Variants in CA6 observed in about 807,000 individuals in gnomAD.
CA6 encodes carbonic anhydrase 6.
CA6 carries 28 observed loss-of-function variants against 35.9 expected under a neutral mutation model. The observed-to-expected ratio is 0.78, with a 90% CI of 0.58 to 1.07. CA6 has a LOEUF of 1.07. Among genes scored for constraint, CA6 ranks in the 50% least tolerant of loss-of-function variants. CA6 has a pLI of 0.00. For synonymous variants in CA6, 148 were observed against 152.6 expected (o/e 0.97, Z 0.22); for missense variants, 377 against 382.0 (o/e 0.99, Z 0.11).
At chr1:8,973,044 T>C (rs1370637534) in intron 7 of CA6, among the ~76,000 whole-genome samples, 5 of 152,124 alleles carry the variant, frequency 3.3e-5, no homozygotes, top group African/African-American at 1.2e-4. Context: ...TTTTGGAGTC[T>C]CTCACTCTGT....
At chr1:8,946,805 G>GTTTT (rs60046591) in intron 1 of CA6, among the ~76,000 whole-genome samples, 15 of 102,042 alleles carry the variant, frequency 1.5e-4, no homozygotes, top group African/African-American at 5.1e-4. Context: ...TTTTTTTTTT[G>GTTTT]TTTTTTTTTT....
chr1:8,974,432 CTTAGAAGCCTGAGTT>C (rs776181637), intron 7 of CA6, 175 bp from the exon 8 acceptor site: 1 of 1,528,728 alleles, frequency 6.5e-7, no homozygotes, highest in South Asian at 1.2e-5. Context: ...CTCTGGGCAG[CTTAGAAGCCTGAGTT>C]CAAACACAGT....
In CA6 at chr1:8,974,778, C is replaced by A. The variant is rs1446220466; in HGVS notation, c.*74C>A. The A allele has an allele frequency of 1.3e-6, 1 of 795,726 alleles. No homozygotes were observed. Among genetic ancestry groups the A allele is most frequent in the Non-Finnish European group, 2.0e-6 (1 of 502,468 alleles). The allele number at this position is 795,726 out of a possible 1,614,324, so 49.3% of individuals were successfully genotyped here. A position where few individuals can be genotyped will look rare whatever the true frequency, so the allele number is the denominator to read the frequency against. On this transcript the variant is annotated 3_prime_UTR_variant, in exon 8 of 8. Transcript: ENST00000377443. ...AGCCAGAAGTGCCTGTCCGCTGCAG[C>A]CGCACCCTACCTTGTCTAAGAAACC...
intron 1 of CA6, among the ~76,000 whole-genome samples, chr1:8,946,638 A>G (rs958316845): frequency 6.6e-6 from 1 of 151,892 alleles, no homozygotes; most frequent in Admixed American, 6.6e-5. Flanking sequence ...GTGGAAAACA[A>G]AGTTCTTAGA....
intron 6 of CA6, among the ~76,000 whole-genome samples, chr1:8,968,705 GA>G (rs1296020738): frequency 1.3e-5 from 2 of 152,080 alleles, no homozygotes; most frequent in African/African-American, 4.8e-5. Flanking sequence ...TCTAGAAATG[GA>G]AAAATAGTAT....
chr1:8,948,933 G>A (rs958983531), intron 1 of CA6, among the ~76,000 whole-genome samples: 13 of 150,354 alleles, frequency 8.6e-5, no homozygotes, highest in African/African-American at 3.0e-4. Flanking sequence ...TTGCACCACT[G>A]CACTCCAACC....
At chr1:8,966,917 T>C (rs1639981856) in intron 5 of CA6, among the ~76,000 whole-genome samples, 1 of 151,826 alleles carries the variant, frequency 6.6e-6, no homozygotes, top group Non-Finnish European at 1.5e-5. Flanking sequence ...CAGGAAGAGC[T>C]CAGGACCAAA....
At chr1:8,973,517 C>A (rs1640161888) in intron 7 of CA6, among the ~76,000 whole-genome samples, 1 of 152,136 alleles carries the variant, frequency 6.6e-6, no homozygotes, top group South Asian at 2.1e-4. Context: ...CTGAGGTATT[C>A]CATGCTGTGA....
chr1:8,964,687 C>G (rs1282615624), intron 5 of CA6, among the ~76,000 whole-genome samples: 1 of 152,210 alleles, frequency 6.6e-6, no homozygotes, highest in Admixed American at 6.5e-5. Flanking sequence ...TTCTCTGGCT[C>G]CCCTTGAAAA....
chr1:8,954,044 A>G (rs1423190582), intron 2 of CA6, among the ~76,000 whole-genome samples: 1 of 152,210 alleles, frequency 6.6e-6, no homozygotes, highest in Non-Finnish European at 1.5e-5. Flanking sequence ...ATGTGGTCTA[A>G]AAAGGGGAGG....
chr1:8,964,814 T>C (rs115427262), intron 5 of CA6, among the ~76,000 whole-genome samples: 6 of 152,248 alleles, frequency 3.9e-5, no homozygotes, highest in African/African-American at 1.4e-4. Context: ...TCGTCTTAGT[T>C]TACCTTCAAA....
intron 4 of CA6, among the ~76,000 whole-genome samples, chr1:8,959,931 C>CAAAAAAAAAAAAAAAAAAAAACAAAAA (rs373250863): frequency 1.3e-5 from 1 of 75,184 alleles, no homozygotes; most frequent in African/African-American, 6.8e-5. Context: ...GATTCTATCT[C>CAAAAAAAAAAAAAAAAAAAAACAAAAA]AAAAAAAAAA....
At chr1:8,955,248 T>C (rs925963145) in intron 2 of CA6, among the ~76,000 whole-genome samples, 1 of 152,138 alleles carries the variant, frequency 6.6e-6, no homozygotes, top group Non-Finnish European at 1.5e-5. Flanking sequence ...TGGTGGTGTG[T>C]GCCTGTAGTC....
intron 1 of CA6, among the ~76,000 whole-genome samples, chr1:8,947,251 C>T (rs1291681585): frequency 6.6e-6 from 1 of 152,200 alleles, no homozygotes; most frequent in East Asian, 1.9e-4. Flanking sequence ...AGAGCTTCTT[C>T]CCGCATCCCC....
chr1:8,957,096 T>A (rs757896647), intron 2 of CA6, 41 bp from the exon 3 acceptor site: 6 of 1,543,092 alleles, frequency 3.9e-6, no homozygotes, highest in African/African-American at 2.7e-5. Flanking sequence ...GACCCCTCTG[T>A]GTTCACCTAC....
intron 7 of CA6, among the ~76,000 whole-genome samples, chr1:8,971,845 G>A (rs1640119153): frequency 6.6e-6 from 1 of 152,178 alleles, no homozygotes; most frequent in South Asian, 2.1e-4. Flanking sequence ...GGCTCCAACC[G>A]TGTCCTTGGC....
intron 4 of CA6, among the ~76,000 whole-genome samples, chr1:8,960,398 TA>T (rs986045760): frequency 2.0e-3 from 281 of 137,364 alleles, no homozygotes; most frequent in Middle Eastern, 0.015. Flanking sequence ...GGAGAAAAAT[TA>T]AAAAAAAAAA....
At chr1:8,965,165 A>G (rs1314161923) in intron 5 of CA6, among the ~76,000 whole-genome samples, 1 of 151,936 alleles carries the variant, frequency 6.6e-6, no homozygotes, top group Non-Finnish European at 1.5e-5. Flanking sequence ...AATCGCTTAA[A>G]CCCGGGAGGT....
chr1:8,949,654 A>G (rs990577002), intron 2 of CA6, among the ~76,000 whole-genome samples: 10 of 151,630 alleles, frequency 6.6e-5, no homozygotes, highest in Non-Finnish European at 8.8e-5. Context: ...TTTCGACTCA[A>G]CTCCCTGCTG....
Sources: gnomAD v4.1 joint callset for allele counts (sites outside exome capture counted in the v4.1 genomes callset) on GRCh38, gnomAD v4.1.1 for gene constraint, MANE v1.5 for transcripts, NCBI Gene and HGNC (gene_info 2026-07-23, HGNC 2026-07-21) for gene names.